Variants in DPP6 observed in about 807,000 individuals in gnomAD.
DPP6 encodes the protein dipeptidyl peptidase like 6.
DPP6 carries 69 observed loss-of-function variants against 122.6 expected under a neutral mutation model. The ratio of observed to expected loss-of-function variants is 0.56; its 90% confidence interval spans 0.46 to 0.69. The LOEUF (loss-of-function observed/expected upper bound fraction) is 0.69, where lower values mean the gene tolerates loss of function less well. Among genes scored for constraint, DPP6 ranks in the 30% least tolerant of loss-of-function variants. DPP6 has a pLI of 0.00. For synonymous variants in DPP6, 418 were observed against 433.1 expected (o/e 0.97, Z 0.43); for missense variants, 928 against 1,116.9 (o/e 0.83, Z 2.41).
intron 1 of DPP6, among the ~76,000 whole-genome samples, chr7:154,325,070 T>A (rs1808328682): frequency 1.3e-5 from 2 of 152,086 alleles, no homozygotes; most frequent in African/African-American, 4.8e-5. Context: ...TTTTACCATA[T>A]TAGCCAGGCT....
intron 1 of DPP6, among the ~76,000 whole-genome samples, chr7:153,954,132 A>G (rs373440808): frequency 6.6e-6 from 1 of 152,354 alleles, no homozygotes; most frequent in South Asian, 2.1e-4. Context: ...TTGACCAAAC[A>G]GCTGGGCACC....
chr7:153,857,322 TTC>T, the DPP6 span, among the ~76,000 whole-genome samples: 4,211 of 124,412 alleles, frequency 0.034, 211 homozygotes, highest in African/African-American at 0.11. Context: ...CTCAAAGGTT[TTC>T]TCTCTCTCTC....
chr7:154,318,381 T>C (rs12703342), intron 1 of DPP6, among the ~76,000 whole-genome samples: 79,686 of 151,974 alleles, frequency 0.52, 22,570 homozygotes, highest in East Asian at 0.64. Flanking sequence ...GATTTAGAGA[T>C]AATGAGAGTG....
intron 16 of DPP6, among the ~76,000 whole-genome samples, chr7:154,849,506 T>C (rs1802206645): frequency 6.6e-6 from 1 of 152,240 alleles, no homozygotes; most frequent in Non-Finnish European, 1.5e-5. Flanking sequence ...TGCTGATTTT[T>C]GTGTTGCATT....
At chr7:154,213,218 G>T (rs965867458) in intron 1 of DPP6, among the ~76,000 whole-genome samples, 5 of 152,196 alleles carry the variant, frequency 3.3e-5, no homozygotes, top group Admixed American at 6.5e-5. Context: ...AGCCACCGTG[G>T]TCAGGGTCAG....
chr7:154,249,127 C>CT (rs1647430770), intron 1 of DPP6, among the ~76,000 whole-genome samples: 1 of 152,146 alleles, frequency 6.6e-6, no homozygotes, highest in Non-Finnish European at 1.5e-5. Context: ...TTATAATCTG[C>CT]TTTTTTGTTA....
At chr7:154,779,131 CGCT>C (rs1796846953) in intron 10 of DPP6, among the ~76,000 whole-genome samples, 2 of 143,748 alleles carry the variant, frequency 1.4e-5, no homozygotes, top group South Asian at 2.2e-4. Context: ...CCACTATCAC[CGCT>C]ATCACCACCA....
chr7:154,288,954 GACTA>G (rs1471149082), intron 1 of DPP6, among the ~76,000 whole-genome samples: 2 of 152,198 alleles, frequency 1.3e-5, no homozygotes, highest in Non-Finnish European at 2.9e-5. Flanking sequence ...TCCTGAGATT[GACTA>G]ACTATTGTCT....
At chr7:154,451,225 G>A (rs1353204290) in intron 2 of DPP6, among the ~76,000 whole-genome samples, 1 of 152,062 alleles carries the variant, frequency 6.6e-6, no homozygotes, top group Non-Finnish European at 1.5e-5. Context: ...GCTGGGCTTG[G>A]TGGCAGGTGC....
At chr7:153,783,113 A>G in the DPP6 span, among the ~76,000 whole-genome samples, 1 of 152,220 alleles carries the variant, frequency 6.6e-6, no homozygotes, top group African/African-American at 2.4e-5. Context: ...AAGCCAGTGT[A>G]AAGTGTAGTA....
intron 2 of DPP6, among the ~76,000 whole-genome samples, chr7:154,470,153 C>A (rs1422213496): frequency 6.6e-6 from 1 of 152,196 alleles, no homozygotes; most frequent in Non-Finnish European, 1.5e-5. Context: ...GAAGCTAGCC[C>A]TCCATAACCC....
intron 1 of DPP6, among the ~76,000 whole-genome samples, chr7:153,919,627 G>A (rs1209745685): frequency 6.6e-6 from 1 of 152,206 alleles, no homozygotes; most frequent in African/African-American, 2.4e-5. Flanking sequence ...TCAGGTGGAT[G>A]AACTGCAGAG....
intron 1 of DPP6, among the ~76,000 whole-genome samples, chr7:154,104,922 G>A (rs1013994201): frequency 4.6e-5 from 7 of 152,184 alleles, no homozygotes; most frequent in Admixed American, 4.6e-4. Flanking sequence ...GCTGGGAGTG[G>A]TGGCACACCT....
At chr7:154,539,445 A>T (rs1421982139) in intron 3 of DPP6, among the ~76,000 whole-genome samples, 1 of 152,118 alleles carries the variant, frequency 6.6e-6, no homozygotes, top group Non-Finnish European at 1.5e-5. Context: ...GAACACTTGG[A>T]CACAGGAAGG....
At chr7:154,037,338 T>C (rs2533775) in intron 1 of DPP6, among the ~76,000 whole-genome samples, 3,341 of 149,668 alleles carry the variant, frequency 0.022, 31 homozygotes, top group African/African-American at 0.081. Context: ...GGCACTCTAA[T>C]AGACATTTCC....
chr7:154,621,557 C>T lies in DPP6; in HGVS notation c.628-16264C>T, dbSNP rs10270835. Among the ~76,000 whole-genome samples, 72 of 151,892 alleles carry T rather than the reference C, an allele frequency of 4.7e-4. 1 individual carries two copies. Among genetic ancestry groups the T allele is most frequent in the African/African-American group, 1.4e-3 (57 of 41,440 alleles). On this transcript the variant is annotated intron_variant, in intron 5 of 25. Coordinates refer to ENST00000377770, the MANE Select transcript of DPP6 (RefSeq NM_130797.4). ...CTAATTTTTGTATTTTTAGTAGAGA[C>T]GGTTTCGCCATGTTGGCCAGGCTGG...
the DPP6 span, among the ~76,000 whole-genome samples, chr7:153,856,588 C>A: frequency 3.9e-5 from 6 of 152,298 alleles, no homozygotes; most frequent in South Asian, 1.2e-3. Context: ...AAGAGGAATT[C>A]TTTACTGTGG....
intron 17 of DPP6, among the ~76,000 whole-genome samples, chr7:154,867,147 T>C (rs1380503019): frequency 6.6e-6 from 1 of 152,196 alleles, no homozygotes; most frequent in Non-Finnish European, 1.5e-5. Flanking sequence ...AAATTCCCTT[T>C]CACAATGAAC....
At chr7:153,992,830 C>T (rs1386288599) in intron 1 of DPP6, among the ~76,000 whole-genome samples, 1 of 152,152 alleles carries the variant, frequency 6.6e-6, no homozygotes, top group Non-Finnish European at 1.5e-5. Context: ...AAGGCAGTTC[C>T]TCACCCTATA....
Sources: gnomAD v4.1 joint callset for allele counts (sites outside exome capture counted in the v4.1 genomes callset) on GRCh38, gnomAD v4.1.1 for gene constraint, MANE v1.5 for transcripts, NCBI Gene and HGNC (gene_info 2026-07-23, HGNC 2026-07-21) for gene names.